TSHZ3: variants seen among roughly 807,000 people sequenced by gnomAD.
TSHZ3 encodes the protein teashirt homolog 3.
Under a neutral mutation model 64.5 loss-of-function variants are expected in TSHZ3, and 10 were observed. The observed-to-expected ratio is 0.16, with a 90% CI of 0.10 to 0.26. The LOEUF (loss-of-function observed/expected upper bound fraction) is 0.26, where lower values mean the gene tolerates loss of function less well. Among genes scored for constraint, TSHZ3 ranks in the 10% least tolerant of loss-of-function variants. The pLI is 1.00. For synonymous variants in TSHZ3, 608 were observed against 593.1 expected, an observed-to-expected ratio of 1.03 and a Z score of -0.36; for missense variants, 1,242 against 1,421.7, an observed-to-expected ratio of 0.87 and a Z score of 2.03.
At chr19:31,349,080 C>T in intron 1 of TSHZ3, 100 bp downstream of exon 1, 1 of 1,444,310 alleles carries the variant, frequency 6.9e-7, no homozygotes, top group East Asian at 2.7e-5. Flanking sequence ...TCAGTGCGGG[C>T]AGAAGAGCGG....
In TSHZ3 at chr19:31,283,217, C is replaced by G. The variant is rs181720687; in HGVS notation, c.41-3465G>C. Among the ~76,000 whole-genome samples, 154 of 152,220 alleles carry G rather than the reference C, an allele frequency of 1.0e-3. 1 individual carries two copies. Among genetic ancestry groups the G allele is most frequent in the Non-Finnish European group, 2.8e-4 (19 of 68,024 alleles). ...GACATGGTGGCACATGCCTGCAGTC[C>G]CAGTTACTCCAGAGGCTGAGGCAGG... On this transcript the variant is annotated intron_variant, in intron 1 of 1. Coordinates refer to ENST00000240587, the MANE Select transcript of TSHZ3 (RefSeq NM_020856.4).
At chr19:31,171,315 A>G (rs1249369896) in intron 5 of TSHZ3, among the ~76,000 whole-genome samples, 1 of 152,184 alleles carries the variant, frequency 6.6e-6, no homozygotes, top group East Asian at 1.9e-4. Flanking sequence ...CACTGAGACA[A>G]TGAGTATTGC....
chr19:31,179,638 C>T (rs1974670086), intron 5 of TSHZ3, among the ~76,000 whole-genome samples: 1 of 149,484 alleles, frequency 6.7e-6, no homozygotes, highest in Non-Finnish European at 1.5e-5. Context: ...GTAGTGGTGA[C>T]AGTGGTGTTT....
At chr19:31,308,805 G>A (rs1462696519) in intron 1 of TSHZ3, 1 of 397,316 alleles carries the variant, frequency 2.5e-6, no homozygotes, top group Non-Finnish European at 4.4e-6. Flanking sequence ...AGATAAGGAA[G>A]TGACTCCTAC....
chr19:31,169,688 C>A (rs1974509177), intron 5 of TSHZ3, among the ~76,000 whole-genome samples: 1 of 152,088 alleles, frequency 6.6e-6, no homozygotes, highest in African/African-American at 2.4e-5. Flanking sequence ...GACACAGACT[C>A]CCTGAGTCTG....
rs1393114822 is a variant in TSHZ3 at position 31,235,607 on chromosome 19, TC to T, written n.550+6661del. 2.9e-3 allele frequency among the ~76,000 whole-genome samples: 434 copies of T among 147,424 alleles called. 2 individuals carry two copies. The highest frequency in any genetic ancestry group is 9.4e-3 in the African/African-American group (361 of 38,406). ...CTTTTTTCTTTCTTTTTTCTTTCTT[TC>T]TTTCTTTCCTCTTTCTTTCTTTCCT... is the stretch of plus-strand genomic sequence containing the variant. On this transcript the variant is annotated intron_variant and non_coding_transcript_variant, in intron 3 of 6. Transcript: ENST00000651361.
intron 5 of TSHZ3, among the ~76,000 whole-genome samples, chr19:31,175,408 C>T (rs1599560991): frequency 6.6e-6 from 1 of 151,648 alleles, no homozygotes; most frequent in Admixed American, 6.6e-5. Flanking sequence ...AAAATCATCT[C>T]TCCCAAGTTG....
chr19:31,278,818 G>T lies in TSHZ3; in HGVS notation c.975C>A (p.Ser325=). ...GGGAGCTGGGGAGCTCCAGCTCCAG[G>T]GAAGCTTTCTTCCGAGTGGCAGGGA... ...KIIPATRKKA[S]LELELPSSPD... The change falls in exon 2 of 2, where the codon TCC becomes TCA. Residue 325 remains serine, a synonymous_variant. Coordinates refer to ENST00000240587, the MANE Select transcript of TSHZ3 (RefSeq NM_020856.4). This position sits in a 1 kb window ranked among gnomAD's most constrained non-coding sequence, Gnocchi z 4.7. The T allele has an allele frequency of 6.2e-7, 1 of 1,614,182 alleles. No individual in the cohort carries two copies.
chr19:31,268,370 A>G lies in TSHZ3; in HGVS notation n.64-25495T>C, dbSNP rs560489727. Reference sequence around the variant, plus strand: ...CCTCTCATGAAACCAGAGCCCCAGGAGACCCAAGCCCTAGTCTCACTGAAA... The same window carrying G: ...CCTCTCATGAAACCAGAGCCCCAGGGGACCCAAGCCCTAGTCTCACTGAAA... On this transcript the variant is annotated intron_variant and non_coding_transcript_variant, in intron 1 of 6. Transcript: ENST00000651361. 3.5e-4 allele frequency among the ~76,000 whole-genome samples: 53 copies of G among 152,286 alleles called. No individual in the cohort carries two copies. In the East Asian group the frequency reaches 9.5e-3, roughly 27 times the overall value.
chr19:31,164,856 C>G (rs1263075221), intron 5 of TSHZ3, among the ~76,000 whole-genome samples: 1 of 152,222 alleles, frequency 6.6e-6, no homozygotes, highest in African/African-American at 2.4e-5. Context: ...CACCCATCGT[C>G]TTTGATTTAT....
At chr19:31,263,129 G>A (rs561957584) in intron 1 of TSHZ3, among the ~76,000 whole-genome samples, 6 of 152,216 alleles carry the variant, frequency 3.9e-5, no homozygotes, top group East Asian at 1.9e-4. Context: ...CTGCCCTGCC[G>A]GGGTCTGAAG....
At chr19:31,339,376 C>T (rs931204187) in intron 1 of TSHZ3, among the ~76,000 whole-genome samples, 3 of 152,074 alleles carry the variant, frequency 2.0e-5, no homozygotes, top group Non-Finnish European at 4.4e-5. Flanking sequence ...CGCCACGCCA[C>T]GCACCCAGCC....
intron 4 of TSHZ3, among the ~76,000 whole-genome samples, chr19:31,207,267 G>A (rs373481619): frequency 1.2e-4 from 19 of 152,216 alleles, no homozygotes; most frequent in African/African-American, 4.3e-4. Context: ...GAACATTATA[G>A]CTTGCTTAGC....
chr19:31,340,578 C>A (rs911580530), intron 1 of TSHZ3, among the ~76,000 whole-genome samples: 1 of 152,146 alleles, frequency 6.6e-6, no homozygotes, highest in South Asian at 2.1e-4. Flanking sequence ...AAAGCCTTGG[C>A]GGTGAGGAGA....
chr19:31,213,356 C>CAAAAAAAAAAAAAAAAAA (rs35192337), intron 4 of TSHZ3, among the ~76,000 whole-genome samples: 5 of 23,308 alleles, frequency 2.1e-4, no homozygotes, highest in African/African-American at 5.9e-4. Context: ...GACTCTGTCT[C>CAAAAAAAAAAAAAAAAAA]AAAAAAAAAA....
rs149979433 is a variant in TSHZ3 at position 31,342,834 on chromosome 19, G to A, written c.40+6346C>T. ...CATGACCTTCTGGCCTACCACAGAGGAAAAAGAAGAAACACAGAGAAACTG... is the reference window on the plus strand; with the variant it reads ...CATGACCTTCTGGCCTACCACAGAGAAAAAAGAAGAAACACAGAGAAACTG... On this transcript the variant is annotated intron_variant, in intron 1 of 1. Coordinates refer to ENST00000240587, the MANE Select transcript of TSHZ3 (RefSeq NM_020856.4). 1.2e-3 allele frequency among the ~76,000 whole-genome samples: 189 copies of A among 152,314 alleles called. No individual in the cohort carries two copies. In the Middle Eastern group the frequency reaches 0.034, roughly 27 times the overall value.
intron 5 of TSHZ3, among the ~76,000 whole-genome samples, chr19:31,183,328 C>A (rs1163025644): frequency 6.6e-6 from 1 of 152,010 alleles, no homozygotes; most frequent in Non-Finnish European, 1.5e-5. Context: ...CTTTTCCCTG[C>A]AAAGCCTGAA....
intron 5 of TSHZ3, among the ~76,000 whole-genome samples, chr19:31,178,938 T>C (rs991287565): frequency 3.9e-5 from 6 of 152,216 alleles, no homozygotes; most frequent in African/African-American, 1.4e-4. Flanking sequence ...CACCTGTGCC[T>C]CTGGGGAAGA....
intron 4 of TSHZ3, among the ~76,000 whole-genome samples, chr19:31,207,174 T>C (rs1225328394): frequency 1.3e-5 from 2 of 152,192 alleles, no homozygotes; most frequent in East Asian, 1.9e-4. Context: ...AATGAATGCA[T>C]TGAAAAAAGT....
Sources: gnomAD v4.1 joint callset for allele counts (sites outside exome capture counted in the v4.1 genomes callset) on GRCh38, gnomAD v4.1.1 for gene constraint, Gnocchi (gnomAD v3.1) non-coding constraint, MANE v1.5 for transcripts, NCBI Gene and HGNC (gene_info 2026-07-23, HGNC 2026-07-21) for gene names.